Variants in ZNF704 observed in about 807,000 individuals in gnomAD.
ZNF704 encodes the protein zinc finger protein 704, also known as glucocorticoid induced gene 1.
A neutral mutation model predicts 44.7 loss-of-function variants in ZNF704; 10 were observed. That is an observed-to-expected ratio of 0.22 (90% confidence interval 0.14 to 0.38). ZNF704 has a LOEUF of 0.38. Among genes scored for constraint, ZNF704 ranks in the 10% least tolerant of loss-of-function variants. ZNF704 has a pLI of 1.00. For synonymous variants in ZNF704, 211 were observed against 207.6 expected, an observed-to-expected ratio of 1.02 and a Z score of -0.14; for missense variants, 390 against 545.5, an observed-to-expected ratio of 0.71 and a Z score of 2.84.
intron 4 of ZNF704, chr8:80,673,158 T>C (rs890873343): frequency 2.6e-5 from 4 of 152,260 alleles, no homozygotes; most frequent in Non-Finnish European, 5.9e-5. Context: ...CCTTAAATCA[T>C]AATTACAGGA....
intron 1 of ZNF704, among the ~76,000 whole-genome samples, chr8:80,873,350 C>T (rs1809289886): frequency 6.6e-6 from 1 of 152,108 alleles, no homozygotes; most frequent in Admixed American, 6.5e-5. Flanking sequence ...ACGCAGGGGC[C>T]CAAGGCGCAG....
intron 2 of ZNF704, chr8:80,814,004 T>C (rs1808135266): frequency 6.6e-6 from 1 of 152,136 alleles, no homozygotes; most frequent in Non-Finnish European, 1.5e-5. Flanking sequence ...TTATAGAACA[T>C]TAGGAGAGTG....
chr8:80,737,622 A>G (rs1413413867), intron 2 of ZNF704, among the ~76,000 whole-genome samples: 1 of 152,240 alleles, frequency 6.6e-6, no homozygotes, highest in Admixed American at 6.5e-5. Context: ...CAATCTCTCT[A>G]TCTTTTGAAG....
At chr8:80,757,985 A>G (rs1807065106) in intron 2 of ZNF704, among the ~76,000 whole-genome samples, 1 of 152,184 alleles carries the variant, frequency 6.6e-6, no homozygotes, top group Non-Finnish European at 1.5e-5. Flanking sequence ...CATGACTGTA[A>G]TTGAAGGGCA....
intron 1 of ZNF704, among the ~76,000 whole-genome samples, chr8:80,830,946 A>C (rs1224563120): frequency 6.6e-6 from 1 of 151,560 alleles, no homozygotes; most frequent in Non-Finnish European, 1.5e-5. Context: ...AGTACAGACA[A>C]GGTTTCACTG....
rs144455059 is a variant in ZNF704 at position 80,717,322 on chromosome 8, G to A, written c.222-24215C>T. Among the ~76,000 whole-genome samples the A allele has an allele frequency of 5.1e-3, 772 of 152,284 alleles. 6 individuals carry two copies. The highest frequency in any genetic ancestry group is 0.018 in the African/African-American group (728 of 41,536). Reference sequence around the variant, plus strand: ...GTAAATATTCACTGGTTCCTACTATGTGCAAGTTCATGCCAGGCACTGAGG... The same window carrying A: ...GTAAATATTCACTGGTTCCTACTATATGCAAGTTCATGCCAGGCACTGAGG... On this transcript the variant is annotated intron_variant, in intron 2 of 8. Transcript: ENST00000327835.
At chr8:80,649,614 G>T (rs1290502571) in intron 7 of ZNF704, among the ~76,000 whole-genome samples, 1 of 152,318 alleles carries the variant, frequency 6.6e-6, no homozygotes, top group African/African-American at 2.4e-5. Context: ...GTGAGGCTGG[G>T]GAGGGGCACC....
intron 2 of ZNF704, among the ~76,000 whole-genome samples, chr8:80,731,768 A>C (rs955334793): frequency 1.3e-5 from 2 of 152,160 alleles, no homozygotes; most frequent in African/African-American, 4.8e-5. Context: ...TCTCTAGAAA[A>C]AAACAAACAA....
At chr8:80,775,692 T>C (rs1239294712) in intron 2 of ZNF704, among the ~76,000 whole-genome samples, 1 of 152,184 alleles carries the variant, frequency 6.6e-6, no homozygotes, top group Non-Finnish European at 1.5e-5. Flanking sequence ...GGAGAAGTGA[T>C]AGGGTGGAAG....
chr8:80,650,793 T>A (rs995075965), intron 7 of ZNF704, among the ~76,000 whole-genome samples: 7 of 152,160 alleles, frequency 4.6e-5, no homozygotes, highest in Non-Finnish European at 8.8e-5. Flanking sequence ...AGGCCAATAT[T>A]CAAATTCAGG....
At chr8:80,787,427 A>G (rs1323865602) in intron 2 of ZNF704, among the ~76,000 whole-genome samples, 3 of 152,182 alleles carry the variant, frequency 2.0e-5, no homozygotes, top group Non-Finnish European at 4.4e-5. Flanking sequence ...AAACCCTACA[A>G]GAGTTAGGAG....
At chr8:80,883,653 T>G in the ZNF704 span, among the ~76,000 whole-genome samples, 1 of 152,234 alleles carries the variant, frequency 6.6e-6, no homozygotes, top group Non-Finnish European at 1.5e-5. Context: ...TAGATCTGAC[T>G]GAGAAAATTT....
chr8:80,681,292 C>T (rs1475562785), intron 4 of ZNF704, among the ~76,000 whole-genome samples: 1 of 152,136 alleles, frequency 6.6e-6, no homozygotes, highest in Non-Finnish European at 1.5e-5. Flanking sequence ...TTCTAAGAAA[C>T]TGCCAAACTG....
At chr8:80,827,820 GA>G (rs1256670815) in intron 1 of ZNF704, among the ~76,000 whole-genome samples, 7 of 152,192 alleles carry the variant, frequency 4.6e-5, no homozygotes, top group Non-Finnish European at 1.0e-4. Context: ...AAGAAATGGG[GA>G]AAGGATTCCC....
At chr8:80,653,592 T>G (rs1285204797) in intron 7 of ZNF704, among the ~76,000 whole-genome samples, 5 of 152,182 alleles carry the variant, frequency 3.3e-5, no homozygotes, top group Non-Finnish European at 7.3e-5. Context: ...CATTCACAAT[T>G]GCTTCAAAGA....
intron 2 of ZNF704, among the ~76,000 whole-genome samples, chr8:80,701,761 C>A (rs1563524088): frequency 1.3e-5 from 2 of 152,132 alleles, no homozygotes; most frequent in Non-Finnish European, 2.9e-5. Context: ...CAGATGAGGA[C>A]AGACAGGGAA....
intron 2 of ZNF704, among the ~76,000 whole-genome samples, chr8:80,760,684 A>C (rs1807115771): frequency 6.6e-6 from 1 of 151,698 alleles, no homozygotes; most frequent in African/African-American, 2.4e-5. Flanking sequence ...ACCAAAAAAC[A>C]AAAAACAAAA....
rs1355047231 is a variant in ZNF704 at position 80,641,071 on chromosome 8, C to T, written c.*295G>A. 9.7e-6 allele frequency: 2 copies of T among 207,132 alleles called. No individual in the cohort carries two copies. The highest frequency in any genetic ancestry group is 1.9e-5 in the Non-Finnish European group (2 of 104,248). 12.8% of individuals were successfully genotyped at this position (207,132 alleles called of 1,614,324 possible). A position where few individuals can be genotyped will look rare whatever the true frequency, so the allele number is the denominator to read the frequency against. On this transcript the variant is annotated 3_prime_UTR_variant, in exon 9 of 9. Transcript: ENST00000327835. ...TTGTTGGTTCAATTGCTACAGAAGT[C>T]CACAGTTTTAAGTCTAGACATACAG... is the stretch of plus-strand genomic sequence containing the variant.
chr8:80,809,208 T>C (rs569316274), intron 2 of ZNF704, among the ~76,000 whole-genome samples: 1 of 152,302 alleles, frequency 6.6e-6, no homozygotes, highest in Admixed American at 6.5e-5. Flanking sequence ...GGAGAATCGC[T>C]TGAACCTGGG....
Sources: allele counts gnomAD v4.1 joint callset (sites outside exome capture counted in the v4.1 genomes callset), GRCh38; gene constraint gnomAD v4.1.1; transcripts MANE v1.5; gene names NCBI Gene and HGNC (gene_info 2026-07-23, HGNC 2026-07-21).